Variants in CCDC144A observed in about 807,000 individuals in gnomAD.
CCDC144A encodes the protein coiled-coil domain-containing protein 144A.
Under a neutral mutation model 143.8 loss-of-function variants are expected in CCDC144A, and 41 were observed. The ratio of observed to expected loss-of-function variants is 0.29; its 90% confidence interval spans 0.22 to 0.37. The LOEUF (loss-of-function observed/expected upper bound fraction) is 0.37, where lower values mean the gene tolerates loss of function less well. Ranked by LOEUF, CCDC144A falls within the 10% of genes least tolerant of loss-of-function variation. The pLI, the probability that CCDC144A is intolerant of heterozygous loss-of-function variation, is 1.00. For missense variants in CCDC144A, 637 were observed against 1,488.8 expected (o/e 0.43, Z 9.41); for synonymous variants, 242 against 517.9 (o/e 0.47, Z 7.23).
intron 12 of CCDC144A, among the ~76,000 whole-genome samples, chr17:16,745,214 C>T (rs555224461): frequency 2.6e-5 from 4 of 151,710 alleles, no homozygotes; most frequent in African/African-American, 9.7e-5. Context: ...GCTCAGAGGC[C>T]ACCGAGAAGC....
At chr17:16,773,404 C>T (rs1597601332) in intron 16 of CCDC144A, 93 bp from the exon 17 acceptor site, 2 of 1,472,434 alleles carry the variant, frequency 1.4e-6, no homozygotes, top group East Asian at 2.6e-5. Flanking sequence ...CCTGTGATCA[C>T]ACCATGGCAC....
At position 16,708,869 on chromosome 17, in the gene CCDC144A, A is replaced by G. The variant is rs201297434; in HGVS notation, c.812A>G (p.His271Arg). ...ATACCTATATATCCAGTACTTCCTC[A>G]TGTGCAAAAATCTGAGGAAATGTGG... is the stretch of plus-strand genomic sequence containing the variant. ...EDIPIYPVLP[H>R]VQKSEEMWIE... The change falls in exon 5 of 17, where the codon CAT becomes CGT. Residue 271 changes from histidine (H) to arginine (R), a missense_variant. Coordinates refer to ENST00000399273, the MANE Select transcript of CCDC144A (RefSeq NM_001382000.1). 30 of 1,611,752 alleles carry G rather than the reference A, an allele frequency of 1.9e-5. No individual in the cohort carries two copies. Among genetic ancestry groups the G allele is most frequent in the Non-Finnish European group, 2.5e-5 (29 of 1,179,764 alleles).
chr17:16,774,235 CT>C lies in CCDC144A; in HGVS notation c.*603del, dbSNP rs1339373017. The C allele has an allele frequency of 1.3e-5, 2 of 151,040 alleles. No homozygotes were observed. Among genetic ancestry groups the C allele is most frequent in the East Asian group, 1.9e-4 (1 of 5,136 alleles). 9.4% of individuals were successfully genotyped at this position (151,040 alleles called of 1,614,324 possible). A position where few individuals can be genotyped will look rare whatever the true frequency, so the allele number is the denominator to read the frequency against. On this transcript the variant is annotated 3_prime_UTR_variant, in exon 17 of 17. Transcript: ENST00000399273. ...CATTTTAGGAAAAACAGCTTTCCCC[CT>C]GTGGGCCATTTGAGAGTAAATTGCT...
chr17:16,696,293 T>C (rs866142077), intron 2 of CCDC144A, among the ~76,000 whole-genome samples: 2,197 of 142,424 alleles, frequency 0.015, 45 homozygotes, highest in African/African-American at 0.042. Context: ...GGATTACAGA[T>C]ATGAGCCACC....
intron 12 of CCDC144A, chr17:16,745,600 T>G (rs2143291462): frequency 1.3e-6 from 2 of 1,550,280 alleles, no homozygotes; most frequent in East Asian, 4.9e-5. Context: ...ATGCCCTCGC[T>G]CGTCCATGGA....
intron 12 of CCDC144A, among the ~76,000 whole-genome samples, chr17:16,754,320 T>C (rs929128128): frequency 6.6e-6 from 1 of 152,194 alleles, no homozygotes; most frequent in African/African-American, 2.4e-5. Context: ...CTGTTCTTGC[T>C]TTTTTGGTTT....
Position 16,777,295 on chromosome 17 carries a change from G to A in CCDC144A, c.*3662G>A, listed in dbSNP as rs1179361062. ...GTTAATACTCCGCTGGCAGCACTAG[G>A]CAGATCACCAAGACAGAAAGTCAAC... is the stretch of plus-strand genomic sequence containing the variant. On this transcript the variant is annotated 3_prime_UTR_variant, in exon 17 of 17. Transcript: ENST00000399273. 6.6e-6 allele frequency: 1 copy of A among 151,480 alleles called. No individual in the cohort carries two copies. Among genetic ancestry groups the A allele is most frequent in the East Asian group, 1.9e-4 (1 of 5,130 alleles). 9.4% of individuals were successfully genotyped at this position (151,480 alleles called of 1,614,324 possible).
rs1435223770 is a variant in CCDC144A at position 16,776,907 on chromosome 17, A to G, written c.*3274A>G. The G allele has an allele frequency of 2.0e-5, 3 of 150,132 alleles. No individual in the cohort carries two copies. The highest frequency in any genetic ancestry group is 7.4e-5 in the African/African-American group (3 of 40,674). 9.3% of individuals were successfully genotyped at this position (150,132 alleles called of 1,614,324 possible). On this transcript the variant is annotated 3_prime_UTR_variant, in exon 17 of 17. Coordinates refer to ENST00000399273, the MANE Select transcript of CCDC144A (RefSeq NM_001382000.1). ...CCTAAATGCTCCACTTAAAAGATAT[A>G]GAATGGCAGAATGGGTAAGAATTCA...
At chr17:16,718,821 G>T (rs1198162485) in intron 6 of CCDC144A, among the ~76,000 whole-genome samples, 1 of 129,186 alleles carries the variant, frequency 7.7e-6, no homozygotes, top group Non-Finnish European at 1.6e-5. Context: ...ATTACTTCTG[G>T]ATTATAAAGT....
chr17:16,746,129 C>T (rs1248973122), intron 12 of CCDC144A: 2 of 1,584,008 alleles, frequency 1.3e-6, no homozygotes, highest in African/African-American at 1.4e-5. Flanking sequence ...AGGATTCCTG[C>T]TTGCCACCTC....
the CCDC144A span, among the ~76,000 whole-genome samples, chr17:16,672,734 A>C: frequency 6.6e-6 from 1 of 152,184 alleles, no homozygotes; most frequent in Non-Finnish European, 1.5e-5. Flanking sequence ...ATCAGTCCCT[A>C]GATGACTTCA....
chr17:16,743,414 T>G lies in CCDC144A; in HGVS notation c.3372+7771T>G, dbSNP rs576466419. The stretch of plus-strand genomic sequence containing the variant: ...GGTGTCTGTAAATATGTGGATTTAT[T>G]TCTGTGTTCTCTATTCTGTTCCATT... On this transcript the variant is annotated intron_variant, in intron 12 of 16. Coordinates refer to ENST00000399273, the MANE Select transcript of CCDC144A (RefSeq NM_001382000.1). 1.5e-4 allele frequency among the ~76,000 whole-genome samples: 23 copies of G among 152,320 alleles called. No individual in the cohort carries two copies. In the East Asian group the frequency reaches 4.4e-3, roughly 29 times the overall value.
chr17:16,729,989 T>TATATATATATATATATATAC (rs1567597673), intron 9 of CCDC144A, among the ~76,000 whole-genome samples: 4 of 121,162 alleles, frequency 3.3e-5, no homozygotes, highest in African/African-American at 1.2e-4. Flanking sequence ...TATATATATA[T>TATATATATATATATATATAC]ATACACACAT....
At position 16,751,795 on chromosome 17, in the gene CCDC144A, G is replaced by A. The variant is rs543412839; in HGVS notation, c.3373-9630G>A. 2.6e-5 allele frequency among the ~76,000 whole-genome samples: 4 copies of A among 152,358 alleles called. No individual in the cohort carries two copies. The South Asian group carries it at 6.2e-4, about 24-fold the overall frequency. Reference sequence around the variant, plus strand: ...CCCCGGGCAGGGCTGTGGTTCTGTGGGTGTGCACCTGGTGTGGTGCCTGCA... The same window carrying A: ...CCCCGGGCAGGGCTGTGGTTCTGTGAGTGTGCACCTGGTGTGGTGCCTGCA... On this transcript the variant is annotated intron_variant, in intron 12 of 16. Transcript: ENST00000399273.
At chr17:16,676,579 CTT>C in the CCDC144A span, among the ~76,000 whole-genome samples, 9 of 151,576 alleles carry the variant, frequency 5.9e-5, no homozygotes, top group African/African-American at 1.9e-4. Context: ...AGCATTTTGA[CTT>C]ATAATTTAGA....
intron 12 of CCDC144A, among the ~76,000 whole-genome samples, chr17:16,757,659 T>C (rs1337413974): frequency 6.6e-6 from 1 of 152,250 alleles, no homozygotes; most frequent in East Asian, 1.9e-4. Flanking sequence ...TCCTGCATGG[T>C]ACACTTGAGT....
At chr17:16,758,719 GT>G (rs1915217918) in intron 12 of CCDC144A, among the ~76,000 whole-genome samples, 1 of 152,138 alleles carries the variant, frequency 6.6e-6, no homozygotes, top group Admixed American at 6.5e-5. Context: ...CAGCTAAGTA[GT>G]TTCTTCAGCC....
chr17:16,717,541 A>G (rs1386345470), intron 6 of CCDC144A, among the ~76,000 whole-genome samples: 2 of 152,110 alleles, frequency 1.3e-5, no homozygotes, highest in Non-Finnish European at 1.5e-5. Flanking sequence ...CCATTCTCCA[A>G]GTGGAGTAGT....
intron 12 of CCDC144A, among the ~76,000 whole-genome samples, chr17:16,744,414 G>A (rs938542520): frequency 6.6e-6 from 1 of 152,214 alleles, no homozygotes; most frequent in African/African-American, 2.4e-5. Flanking sequence ...TCTGGTGTGA[G>A]ATGGTATGTC....
Sources: gnomAD v4.1 joint callset for allele counts (sites outside exome capture counted in the v4.1 genomes callset) on GRCh38, gnomAD v4.1.1 for gene constraint, MANE v1.5 for transcripts, NCBI Gene and HGNC (gene_info 2026-07-23, HGNC 2026-07-21) for gene names.